GNA15: variants seen among roughly 807,000 people sequenced by gnomAD.
The protein encoded by GNA15 is guanine nucleotide-binding protein subunit alpha-15.
In GNA15, 23 loss-of-function variants were observed where a neutral mutation model predicts 40.1. The ratio of observed to expected loss-of-function variants is 0.57; its 90% CI spans 0.41 to 0.81. The LOEUF (loss-of-function observed/expected upper bound fraction) is 0.81. GNA15 is among the 40% of genes least tolerant of loss of function. The pLI is 0.00. For synonymous variants in GNA15, 226 were observed against 210.4 expected (o/e 1.07, Z -0.64); for missense variants, 522 against 515.8 (o/e 1.01, Z -0.12).
At chr19:3,150,358 T>G in intron 3 of GNA15, 73 bp downstream of exon 3, 1 of 1,318,082 alleles carries the variant, frequency 7.6e-7, no homozygotes, top group South Asian at 1.4e-5. Context: ...GCTGGCTTCC[T>G]GCAGCAGGAG....
At chr19:3,137,661 A>G (rs1914486095) in intron 1 of GNA15, among the ~76,000 whole-genome samples, 1 of 152,212 alleles carries the variant, frequency 6.6e-6, no homozygotes, top group South Asian at 2.1e-4. Flanking sequence ...GCGTGCCTGT[A>G]GTCCCTGCTA....
chr19:3,148,452 C>A, intron 1 of GNA15, 139 bp from the exon 2 acceptor site: 3 of 756,288 alleles, frequency 4.0e-6, no homozygotes, highest in Non-Finnish European at 6.3e-6. Flanking sequence ...AGCCTAGGGT[C>A]ACTGAGTGAG....
At position 3,151,565 on chromosome 19, in the gene GNA15, G is replaced by A; in HGVS notation, c.486-142G>A. Reference sequence around the variant, plus strand: ...TGCCTCAGGTGGGGGACGCTCCTGGGCCATCTGCCAACTCCAGGGACCCCA... The same window carrying A: ...TGCCTCAGGTGGGGGACGCTCCTGGACCATCTGCCAACTCCAGGGACCCCA... On this transcript the variant is annotated intron_variant, in intron 3 of 6. Transcript: ENST00000262958. This position sits in a 1 kb window ranked among gnomAD's most constrained non-coding sequence, Gnocchi z 5.0. 1 of 914,702 alleles carries A rather than the reference G, an allele frequency of 1.1e-6. No homozygotes were observed. The highest frequency in any genetic ancestry group is 2.0e-5 in the South Asian group (1 of 50,354). 56.7% of individuals were successfully genotyped at this position (914,702 alleles called of 1,614,324 possible). A position where few individuals can be genotyped will look rare whatever the true frequency, so the allele number is the denominator to read the frequency against.
intron 6 of GNA15, among the ~76,000 whole-genome samples, chr19:3,161,646 AT>A (rs1197817407): frequency 6.6e-6 from 1 of 152,022 alleles, no homozygotes; most frequent in Non-Finnish European, 1.5e-5. Flanking sequence ...TAAGGTAGAT[AT>A]TTTTTTCATT....
In GNA15 at chr19:3,144,735, A is replaced by G. The variant is rs190626949; in HGVS notation, c.146-3856A>G. Among the ~76,000 whole-genome samples the G allele has an allele frequency of 4.6e-4, 70 of 150,736 alleles. No individual in the cohort carries two copies. The East Asian group carries it at 9.1e-3, about 19-fold the overall frequency. ...AGTAGAGACGGGGTTTCACCGTGTTAGCCAGGATGGTCTCGATCTCCTGAC... is the reference window on the plus strand; with the variant it reads ...AGTAGAGACGGGGTTTCACCGTGTTGGCCAGGATGGTCTCGATCTCCTGAC... On this transcript the variant is annotated intron_variant, in intron 1 of 6. Coordinates refer to ENST00000262958, the MANE Select transcript of GNA15 (RefSeq NM_002068.4).
chr19:3,146,970 G>A (rs1914737409), intron 1 of GNA15, among the ~76,000 whole-genome samples: 2 of 149,120 alleles, frequency 1.3e-5, no homozygotes, highest in South Asian at 4.2e-4. Flanking sequence ...CCTCCAATAT[G>A]CCAGGTGCGG....
At chr19:3,152,305 G>A (rs955523946) in intron 4 of GNA15, among the ~76,000 whole-genome samples, 4 of 152,170 alleles carry the variant, frequency 2.6e-5, no homozygotes, top group African/African-American at 9.7e-5. Context: ...GACAGCGGGC[G>A]TGGGGATGGA....
rs757375947 is a variant in GNA15 at position 3,148,717 on chromosome 19, G to A, written c.272G>A (p.Arg91Gln). 2 of 1,603,336 alleles carry A rather than the reference G, an allele frequency of 1.2e-6. No individual in the cohort carries two copies. Among genetic ancestry groups the A allele is most frequent in the South Asian group, 1.1e-5 (1 of 89,304 alleles). Residue 91 changes from arginine to glutamine, a missense_variant, in exon 2 of 7, where the codon CGG (arginine) becomes CAG (glutamine). Physicochemically the swap from Arg to Gln is conservative, Grantham distance 43. Coordinates refer to ENST00000262958, the MANE Select transcript of GNA15 (RefSeq NM_002068.4). ...TACCAGAACATCTTCGTGTCCATGC[G>A]GGCCATGATCGAGGCCATGGAGCGG... ...LVYQNIFVSMRAMIEAMERLQ... is the reference protein window; with the variant it reads ...LVYQNIFVSMQAMIEAMERLQ...
chr19:3,148,496 C>A, intron 1 of GNA15, 95 bp from the exon 2 acceptor site: 2 of 1,244,574 alleles, frequency 1.6e-6, no homozygotes, highest in Non-Finnish European at 2.2e-6. Flanking sequence ...ACCCAGGAGG[C>A]CTGGCGTGGA....
rs1422617518 is a variant in GNA15 at position 3,136,386 on chromosome 19, G to A, written c.-65G>A. 2 of 1,502,900 alleles carry A rather than the reference G, an allele frequency of 1.3e-6. No homozygotes were observed. The highest frequency in any genetic ancestry group is 1.8e-6 in the Non-Finnish European group (2 of 1,119,294). The allele number at this position is 1,502,900 out of a possible 1,614,324, so 93.1% of individuals were successfully genotyped here. A position where few individuals can be genotyped will look rare whatever the true frequency, so the allele number is the denominator to read the frequency against. On this transcript the variant is annotated 5_prime_UTR_variant, in exon 1 of 7. Coordinates refer to ENST00000262958, the MANE Select transcript of GNA15 (RefSeq NM_002068.4). This position sits in a 1 kb window ranked among gnomAD's most constrained non-coding sequence, Gnocchi z 4.9. Reference sequence around the variant, plus strand: ...CCCTCTCCAGGGCCGGCTGGGCTGGGGGTTGCCCTGGCCAGCAGGGGCCCG... The same window carrying A: ...CCCTCTCCAGGGCCGGCTGGGCTGGAGGTTGCCCTGGCCAGCAGGGGCCCG...
intron 1 of GNA15, among the ~76,000 whole-genome samples, chr19:3,145,839 T>G (rs1367676195): frequency 6.6e-6 from 1 of 151,520 alleles, no homozygotes; most frequent in African/African-American, 2.4e-5. Context: ...TGAGCCACTG[T>G]GCCCAGCCGA....
chr19:3,141,875 G>A (rs2144841525), intron 1 of GNA15: 1 of 152,644 alleles, frequency 6.6e-6, no homozygotes, highest in South Asian at 2.1e-4. Context: ...AAACACCACA[G>A]AACCCCAGTG....
At chr19:3,156,441 A>C (rs371368520) in intron 5 of GNA15, among the ~76,000 whole-genome samples, 1 of 149,768 alleles carries the variant, frequency 6.7e-6, no homozygotes, top group East Asian at 2.0e-4. Context: ...GCACACACAC[A>C]GTACACACAT....
chr19:3,142,428 T>C (rs2144842097), intron 1 of GNA15: 1 of 152,222 alleles, frequency 6.6e-6, no homozygotes, highest in African/African-American at 2.4e-5. Flanking sequence ...TATCATTTAT[T>C]TCCTATAACA....
At position 3,147,064 on chromosome 19, in the gene GNA15, A is replaced by C. The variant is rs181812238; in HGVS notation, c.146-1527A>C. 3.3e-5 allele frequency among the ~76,000 whole-genome samples: 5 copies of C among 152,156 alleles called. No homozygotes were observed. In the East Asian group the frequency reaches 7.8e-4, roughly 24 times the overall value. ...TTGACAGCCACCTTCCGGCCTTCAC[A>C]AATCACTTTCACTGAGAGGCCTTCC... On this transcript the variant is annotated intron_variant, in intron 1 of 6. Transcript: ENST00000262958.
chr19:3,153,490 TTAGATGGG>T (rs1914929044), intron 4 of GNA15, among the ~76,000 whole-genome samples: 1 of 138,712 alleles, frequency 7.2e-6, no homozygotes, highest in Admixed American at 7.0e-5. Context: ...GGATGGATGG[TTAGATGGG>T]TGGATGGGTG....
chr19:3,148,289 T>C (rs1914782574), intron 1 of GNA15, among the ~76,000 whole-genome samples: 1 of 152,096 alleles, frequency 6.6e-6, no homozygotes, highest in African/African-American at 2.4e-5. Context: ...GGTTTCGCCA[T>C]GTTTACCAGG....
At chr19:3,156,732 G>A (rs930169510) in intron 5 of GNA15, among the ~76,000 whole-genome samples, 2 of 151,774 alleles carry the variant, frequency 1.3e-5, no homozygotes, top group Non-Finnish European at 2.9e-5. Context: ...TCCTGACCTC[G>A]TGATCCGCCC....
Position 3,155,751 on chromosome 19 carries a change from A to T in GNA15, c.615-72A>T, listed in dbSNP as rs563697787. ...TATTATGGATCTTGGCATATCCCAG[A>T]CGTGATGGGGGTTGGGGGTGTCACG... On this transcript the variant is annotated intron_variant, in intron 4 of 6. Transcript: ENST00000262958. This position sits in a 1 kb window ranked among gnomAD's most constrained non-coding sequence, Gnocchi z 5.6. 4 of 1,543,622 alleles carry T rather than the reference A, an allele frequency of 2.6e-6. No individual in the cohort carries two copies. In the East Asian group the frequency reaches 9.0e-5, roughly 35 times the overall value.
Sources: allele counts gnomAD v4.1 joint callset (sites outside exome capture counted in the v4.1 genomes callset), GRCh38; gene constraint gnomAD v4.1.1; non-coding constraint Gnocchi (gnomAD v3.1); transcripts MANE v1.5; gene names NCBI Gene and HGNC (gene_info 2026-07-23, HGNC 2026-07-21).